Variants in FRY observed in about 807,000 individuals in gnomAD.
FRY encodes protein furry homolog.
FRY carries 128 observed loss-of-function variants against 348.4 expected under a neutral mutation model. The observed-to-expected ratio is 0.37, with a 90% CI of 0.32 to 0.43. The LOEUF (loss-of-function observed/expected upper bound fraction) is 0.43. FRY is among the 20% of genes least tolerant of loss of function. FRY has a pLI of 1.00. For missense variants in FRY, 2,736 were observed against 3,695.2 expected (o/e 0.74, Z 6.73); for synonymous variants, 1,370 against 1,374.7 (o/e 1.00, Z 0.08).
intron 29 of FRY, among the ~76,000 whole-genome samples, chr13:32,195,383 ATC>A (rs985375150): frequency 3.9e-5 from 6 of 152,188 alleles, no homozygotes; most frequent in Non-Finnish European, 4.4e-5. Context: ...TGTTACAAAA[ATC>A]TCTTTGTCCA....
chr13:32,117,692 AACTTTGGTGGAG>A (rs1878389089), intron 4 of FRY, among the ~76,000 whole-genome samples: 1 of 152,030 alleles, frequency 6.6e-6, no homozygotes, highest in Non-Finnish European at 1.5e-5. Flanking sequence ...GCTTTATTTC[AACTTTGGTGGAG>A]ACAGGTGTGA....
intron 3 of FRY, among the ~76,000 whole-genome samples, chr13:32,108,258 T>C (rs1877705694): frequency 6.6e-6 from 1 of 152,142 alleles, no homozygotes. Flanking sequence ...ACCAGTTGCC[T>C]AGCTAGAAAA....
At chr13:32,176,969 G>T (rs2138232213) in intron 20 of FRY, among the ~76,000 whole-genome samples, 1 of 152,314 alleles carries the variant, frequency 6.6e-6, no homozygotes, top group East Asian at 1.9e-4. Flanking sequence ...CAGAGCCTAT[G>T]TTGCCATCTC....
At chr13:32,118,706 C>G (rs1421040678) in intron 4 of FRY, among the ~76,000 whole-genome samples, 2 of 152,096 alleles carry the variant, frequency 1.3e-5, no homozygotes, top group African/African-American at 2.4e-5. Flanking sequence ...ACTCTAATTT[C>G]AGAACATTTT....
intron 20 of FRY, 37 bp downstream of exon 20, chr13:32,175,669 A>G: frequency 8.6e-7 from 1 of 1,169,426 alleles, no homozygotes; most frequent in Non-Finnish European, 1.3e-6. Flanking sequence ...TGGCTCTTAA[A>G]AGCTCTGGAC....
intron 1 of FRY, among the ~76,000 whole-genome samples, chr13:32,047,078 A>G (rs1490626437): frequency 1.3e-5 from 2 of 152,222 alleles, no homozygotes; most frequent in Non-Finnish European, 2.9e-5. Context: ...GAGCTACATA[A>G]TCATGTATAT....
At chr13:32,265,392 G>C in intron 53 of FRY, 58 bp from the exon 54 acceptor site, 1 of 1,526,788 alleles carries the variant, frequency 6.5e-7, no homozygotes, top group Non-Finnish European at 9.1e-7. Flanking sequence ...AGTTGAACAG[G>C]TTGTCCTGTA....
At position 32,254,241 on chromosome 13, in the gene FRY, T is replaced by TG; in HGVS notation, c.7267dup (p.Asp2423GlyfsTer6). ...ATTCGCAGGTGATTTTTTCATCGTG[T>TG]GGGGATCTGGATCTGCTTGAGCACC... is the stretch of plus-strand genomic sequence containing the variant. On this transcript the variant is annotated frameshift_variant, in exon 51 of 61. Transcript: ENST00000542859. LOFTEE classifies it high-confidence loss of function. 1 of 1,614,060 alleles carries TG rather than the reference T, an allele frequency of 6.2e-7. No individual in the cohort carries two copies. Among genetic ancestry groups the TG allele is most frequent in the Non-Finnish European group, 8.5e-7 (1 of 1,179,984 alleles).
chr13:32,127,247 G>C (rs184742976), intron 7 of FRY, among the ~76,000 whole-genome samples: 2 of 152,114 alleles, frequency 1.3e-5, no homozygotes, highest in East Asian at 3.9e-4. Context: ...TTTGTAATAT[G>C]TACTATACAT....
intron 17 of FRY, among the ~76,000 whole-genome samples, chr13:32,170,594 T>G (rs1472498727): frequency 6.6e-6 from 1 of 152,244 alleles, no homozygotes; most frequent in Non-Finnish European, 1.5e-5. Flanking sequence ...TAGAGTGCAG[T>G]GGCACGATCT....
intron 17 of FRY, among the ~76,000 whole-genome samples, chr13:32,163,257 G>T (rs921991970): frequency 6.6e-6 from 1 of 152,302 alleles, no homozygotes; most frequent in East Asian, 1.9e-4. Context: ...ATGACTGTCT[G>T]GACAAAGACG....
At chr13:32,236,841 T>A (rs1886253446) in intron 43 of FRY, among the ~76,000 whole-genome samples, 1 of 152,186 alleles carries the variant, frequency 6.6e-6, no homozygotes, top group Non-Finnish European at 1.5e-5. Context: ...TTATCTATAT[T>A]AACATAAAGA....
At chr13:32,133,764 C>CTTTTTTT (rs1259372646) in intron 8 of FRY, among the ~76,000 whole-genome samples, 8 of 108,472 alleles carry the variant, frequency 7.4e-5, no homozygotes, top group South Asian at 3.0e-4. Flanking sequence ...TTCTTTCTTT[C>CTTTTTTT]TTTCTTTTTT....
chr13:32,058,476 C>A (rs1414001853), intron 1 of FRY, among the ~76,000 whole-genome samples: 1 of 152,168 alleles, frequency 6.6e-6, no homozygotes, highest in Non-Finnish European at 1.5e-5. Flanking sequence ...ACTAAAATAT[C>A]TGTAGCCTGC....
At chr13:32,249,745 G>A (rs2806630) in intron 49 of FRY, 58 bp downstream of exon 49, 1,501,583 of 1,506,044 alleles carry the variant, frequency 1, 748,661 homozygotes, top group East Asian at 1. Flanking sequence ...TTGAGTCCAT[G>A]TGGCTGGGTC....
chr13:32,090,113 C>T (rs765480507), intron 2 of FRY, among the ~76,000 whole-genome samples: 3 of 151,916 alleles, frequency 2.0e-5, no homozygotes, highest in African/African-American at 4.8e-5. Context: ...CTTTGGGAGG[C>T]CGAGGCGGGT....
At position 32,070,371 on chromosome 13, in the gene FRY, A is replaced by G. The variant is rs539715697; in HGVS notation, c.71-8463A>G. Among the ~76,000 whole-genome samples, 33 of 152,256 alleles carry G rather than the reference A, an allele frequency of 2.2e-4. 1 individual carries two copies. The South Asian group carries it at 6.8e-3, about 32-fold the overall frequency. On this transcript the variant is annotated intron_variant, in intron 1 of 60. Coordinates refer to ENST00000542859, the MANE Select transcript of FRY (RefSeq NM_023037.3). Reference sequence around the variant, plus strand: ...GTTCCTATTTCTCCACATCCTCTCCAGCATCTGTTGTTTCCTGACTTTTTA... The same window carrying G: ...GTTCCTATTTCTCCACATCCTCTCCGGCATCTGTTGTTTCCTGACTTTTTA...
intron 35 of FRY, among the ~76,000 whole-genome samples, chr13:32,216,856 A>G (rs1019385792): frequency 2.6e-5 from 4 of 152,358 alleles, no homozygotes; most frequent in Admixed American, 2.6e-4. Flanking sequence ...ATAACAGTGA[A>G]GAAGGTTTGA....
intron 47 of FRY, 35 bp downstream of exon 47, chr13:32,244,217 C>T (rs1292391716): frequency 3.1e-6 from 5 of 1,598,422 alleles, no homozygotes; most frequent in Non-Finnish European, 4.3e-6. Context: ...AGCAACCAGT[C>T]GTTCTAAAAA....
Sources: gnomAD v4.1 joint callset for allele counts (sites outside exome capture counted in the v4.1 genomes callset) on GRCh38, gnomAD v4.1.1 for gene constraint, MANE v1.5 for transcripts, NCBI Gene and HGNC (gene_info 2026-07-23, HGNC 2026-07-21) for gene names.